Variants in RGS6 observed in about 807,000 individuals in gnomAD.
RGS6 encodes regulator of G-protein signaling 6.
Under a neutral mutation model 78.5 loss-of-function variants are expected in RGS6, and 30 were observed. The ratio of observed to expected loss-of-function variants is 0.38; its 90% CI spans 0.29 to 0.52. The LOEUF (loss-of-function observed/expected upper bound fraction) is 0.52. RGS6 is among the 20% of genes least tolerant of loss of function. The probability of loss-of-function intolerance (pLI) is 0.85; values close to 1 mark genes in which losing one functional copy is unlikely to be tolerated. For missense variants in RGS6, 495 were observed against 609.7 expected, an observed-to-expected ratio of 0.81 and a Z score of 1.98; for synonymous variants, 206 against 206.0, an observed-to-expected ratio of 1.00 and a Z score of 0.00.
intron 1 of RGS6, among the ~76,000 whole-genome samples, chr14:71,943,343 G>T (rs1032617196): frequency 5.3e-5 from 8 of 152,200 alleles, no homozygotes; most frequent in African/African-American, 1.9e-4. Flanking sequence ...ATGGGGCATA[G>T]AAAGCACAGA....
rs558854751 is a variant in RGS6, at chr14:72,336,405, T to C, written c.85-15690T>C. On this transcript the variant is annotated intron_variant, in intron 2 of 17. Transcript: ENST00000553525. Reference sequence around the variant, plus strand: ...TTCAGAAAGCTAAGCTTTGAAGTACTATATGTTGTGTGGCTTACTGGAGAT... The same window carrying C: ...TTCAGAAAGCTAAGCTTTGAAGTACCATATGTTGTGTGGCTTACTGGAGAT... Among the ~76,000 whole-genome samples the C allele has an allele frequency of 2.0e-5, 3 of 152,274 alleles. No individual in the cohort carries two copies. The East Asian group carries it at 5.8e-4, about 29-fold the overall frequency.
intron 2 of RGS6, among the ~76,000 whole-genome samples, chr14:72,340,769 C>A (rs1340316595): frequency 6.6e-6 from 1 of 152,180 alleles, no homozygotes; most frequent in East Asian, 1.9e-4. Context: ...TCTCATTGCC[C>A]TGAAATATTT....
At chr14:72,532,015 A>G (rs2097188295) in intron 15 of RGS6, among the ~76,000 whole-genome samples, 1 of 152,092 alleles carries the variant, frequency 6.6e-6, no homozygotes, top group Admixed American at 6.6e-5. Context: ...TGTGAGTGTG[A>G]TTGTCTTAGA....
At chr14:72,194,706 A>G (rs1422771346) in intron 2 of RGS6, among the ~76,000 whole-genome samples, 2 of 152,156 alleles carry the variant, frequency 1.3e-5, no homozygotes, top group East Asian at 3.8e-4. Context: ...AGGTAAAAAA[A>G]CAATAAGTGA....
At chr14:72,391,982 T>A (rs1407607470) in intron 3 of RGS6, among the ~76,000 whole-genome samples, 1 of 152,192 alleles carries the variant, frequency 6.6e-6, no homozygotes, top group Non-Finnish European at 1.5e-5. Flanking sequence ...CCACATTTTC[T>A]TTATCCAGTC....
At chr14:72,457,862 T>G (rs1163901606) in intron 4 of RGS6, among the ~76,000 whole-genome samples, 1 of 152,206 alleles carries the variant, frequency 6.6e-6, no homozygotes, top group Non-Finnish European at 1.5e-5. Flanking sequence ...TTCTTACTGC[T>G]GGGGATGATG....
the RGS6 span, among the ~76,000 whole-genome samples, chr14:71,918,755 A>G: frequency 1.3e-5 from 2 of 152,208 alleles, no homozygotes; most frequent in East Asian, 3.8e-4. Flanking sequence ...TAAACAATCT[A>G]TCGTCCTGAA....
intron 2 of RGS6, among the ~76,000 whole-genome samples, chr14:72,258,678 G>A (rs1313428196): frequency 6.6e-6 from 1 of 152,204 alleles, no homozygotes; most frequent in African/African-American, 2.4e-5. Flanking sequence ...TAGAGCCTCT[G>A]TTTATTCATT....
chr14:72,466,436 T>A lies in RGS6; in HGVS notation c.459+614T>A, dbSNP rs140228732. Among the ~76,000 whole-genome samples, 1,165 of 152,356 alleles carry A rather than the reference T, an allele frequency of 7.6e-3. 14 individuals are homozygous for A. Among genetic ancestry groups the A allele is most frequent in the African/African-American group, 0.027 (1,105 of 41,594 alleles). On this transcript the variant is annotated intron_variant, in intron 7 of 17. Transcript: ENST00000553525. ...GTTCACACAAACACCTATAAACTAA[T>A]GTTCATACAAGCTTAATCTGTGATA...
In RGS6 at chr14:72,565,064, G is replaced by T. The variant is rs2097703762; in HGVS notation, c.*2597G>T. The T allele has an allele frequency of 1.3e-5, 2 of 152,174 alleles. No homozygotes were observed. The allele number at this position is 152,174 out of a possible 1,614,324, so 9.4% of individuals were successfully genotyped here. Reference sequence around the variant, plus strand: ...ATCTGGTCTTGGCCCGTCCCCCATTGGCCTGGTCTACACAGCCAAAAATTC... The same window carrying T: ...ATCTGGTCTTGGCCCGTCCCCCATTTGCCTGGTCTACACAGCCAAAAATTC... On this transcript the variant is annotated 3_prime_UTR_variant, in exon 18 of 18. Transcript: ENST00000553525.
chr14:72,321,005 T>C (rs1373943655), intron 2 of RGS6, among the ~76,000 whole-genome samples: 1 of 150,784 alleles, frequency 6.6e-6, no homozygotes, highest in Non-Finnish European at 1.5e-5. Context: ...GTTTGAAATA[T>C]ATATGTAATA....
At chr14:71,991,683 T>TAC (rs1320026555) in intron 2 of RGS6, among the ~76,000 whole-genome samples, 1 of 152,316 alleles carries the variant, frequency 6.6e-6, no homozygotes, top group East Asian at 1.9e-4. Flanking sequence ...CTTTTCTAGG[T>TAC]ACATATTTTA....
the RGS6 span, among the ~76,000 whole-genome samples, chr14:72,623,764 G>A: frequency 6.6e-6 from 1 of 152,158 alleles, no homozygotes; most frequent in Non-Finnish European, 1.5e-5. Context: ...TCTGTCCACA[G>A]AAAGTGCTCC....
At chr14:72,409,949 A>T (rs1373662959) in intron 3 of RGS6, among the ~76,000 whole-genome samples, 1 of 152,128 alleles carries the variant, frequency 6.6e-6, no homozygotes, top group Non-Finnish European at 1.5e-5. Flanking sequence ...ACATTTTCTT[A>T]ATCCAGTCTA....
the RGS6 span, among the ~76,000 whole-genome samples, chr14:72,577,553 C>A: frequency 6.6e-6 from 1 of 152,082 alleles, no homozygotes; most frequent in African/African-American, 2.4e-5. Flanking sequence ...GCTGAAATGT[C>A]ACCAGGGAAA....
intron 2 of RGS6, among the ~76,000 whole-genome samples, chr14:72,038,276 A>T (rs528460745): frequency 2.0e-5 from 3 of 152,144 alleles, no homozygotes; most frequent in Non-Finnish European, 4.4e-5. Context: ...CAACCATGCT[A>T]TCTTGATCTC....
chr14:72,306,647 T>A (rs1244893270), intron 2 of RGS6, among the ~76,000 whole-genome samples: 26 of 152,194 alleles, frequency 1.7e-4, no homozygotes. Flanking sequence ...GTGGAGGAAG[T>A]CACTGCAAAT....
the RGS6 span, among the ~76,000 whole-genome samples, chr14:71,901,559 T>C: frequency 7.9e-5 from 12 of 152,238 alleles, no homozygotes; most frequent in African/African-American, 2.9e-4. Flanking sequence ...GACTAACTAA[T>C]TAACTAAGCT....
intron 2 of RGS6, among the ~76,000 whole-genome samples, chr14:72,244,081 A>G (rs1463684510): frequency 1.3e-5 from 2 of 152,204 alleles, no homozygotes; most frequent in African/African-American, 2.4e-5. Context: ...ACAGCTAAAC[A>G]TACGGAGTCA....
Sources: gnomAD v4.1 joint callset for allele counts (sites outside exome capture counted in the v4.1 genomes callset) on GRCh38, gnomAD v4.1.1 for gene constraint, MANE v1.5 for transcripts, NCBI Gene and HGNC (gene_info 2026-07-23, HGNC 2026-07-21) for gene names.